Variants in ATAD2B observed in about 807,000 individuals in gnomAD.
ATAD2B encodes ATPase family AAA domain containing 2B, also known as ATPase family AAA domain-containing protein 2B.
In ATAD2B, 40 loss-of-function variants were observed where a neutral mutation model predicts 167.6. The ratio of observed to expected loss-of-function variants is 0.24; its 90% CI spans 0.19 to 0.31. The LOEUF is 0.31. Among genes scored for constraint, ATAD2B ranks in the 10% least tolerant of loss-of-function variants. The pLI is 1.00. For missense variants in ATAD2B, 1,242 were observed against 1,757.2 expected, an observed-to-expected ratio of 0.71 and a Z score of 5.24; for synonymous variants, 579 against 596.5, an observed-to-expected ratio of 0.97 and a Z score of 0.43.
intron 13 of ATAD2B, among the ~76,000 whole-genome samples, chr2:23,836,251 G>A (rs1046456542): frequency 1.3e-5 from 2 of 152,170 alleles, no homozygotes; most frequent in Non-Finnish European, 2.9e-5. Context: ...GTTGGCACAG[G>A]TGCTGGCTCT....
rs371821525 is a variant in ATAD2B, at chr2:23,828,946, T to C, written c.1729-7A>G. The C allele has an allele frequency of 4.3e-5, 68 of 1,566,892 alleles. No individual in the cohort carries two copies. In the African/African-American group the frequency reaches 8.7e-4, roughly 20 times the overall value. ...GTAAGATGTGTTTTCTTGCCTAAGA[T>C]GAAAAGCACAGATACATAAAATCTT... is the stretch of plus-strand genomic sequence containing the variant. On this transcript the variant is annotated splice_region_variant and splice_polypyrimidine_tract_variant and intron_variant, in intron 14 of 27. Transcript: ENST00000238789.
intron 23 of ATAD2B, among the ~76,000 whole-genome samples, chr2:23,765,265 A>G (rs1677251766): frequency 6.6e-6 from 1 of 152,244 alleles, no homozygotes; most frequent in Non-Finnish European, 1.5e-5. Context: ...CCTACAAAAC[A>G]AATTTCAATA....
At chr2:23,911,114 G>A (rs577927713) in intron 1 of ATAD2B, among the ~76,000 whole-genome samples, 2 of 151,444 alleles carry the variant, frequency 1.3e-5, no homozygotes, top group African/African-American at 2.4e-5. Flanking sequence ...CCAGCTACTC[G>A]GGAGGCTGAG....
chr2:23,708,183 T>C, the ATAD2B span: 2 of 152,272 alleles, frequency 1.3e-5, no homozygotes, highest in African/African-American at 4.8e-5. Flanking sequence ...CATCAACTTC[T>C]AGCACTACGA....
At chr2:23,758,205 T>C (rs1676177597) in intron 24 of ATAD2B, 104 bp from the exon 25 acceptor site, 1 of 931,878 alleles carries the variant, frequency 1.1e-6, no homozygotes. Flanking sequence ...CCCATGCTGA[T>C]GTAACACACA....
At chr2:23,768,960 A>C (rs149069748) in intron 22 of ATAD2B, among the ~76,000 whole-genome samples, 1,659 of 152,332 alleles carry the variant, frequency 0.011, 17 homozygotes, top group Middle Eastern at 0.037. Flanking sequence ...AAACAAAGTC[A>C]CTATAAACAT....
intron 18 of ATAD2B, among the ~76,000 whole-genome samples, chr2:23,807,104 T>C (rs1407944216): frequency 1.3e-5 from 2 of 152,182 alleles, no homozygotes; most frequent in Non-Finnish European, 2.9e-5. Context: ...CCAGACTTTC[T>C]TGTTCCTATA....
chr2:23,835,166 G>A (rs2712048), intron 13 of ATAD2B, among the ~76,000 whole-genome samples: 150,757 of 152,342 alleles, frequency 0.99, 74,606 homozygotes, highest in East Asian at 1. Flanking sequence ...TCTGTTAAAC[G>A]TAAGAGTTGC....
chr2:23,852,680 A>T (rs1353354557), intron 13 of ATAD2B, among the ~76,000 whole-genome samples: 2 of 152,150 alleles, frequency 1.3e-5, no homozygotes, highest in African/African-American at 4.8e-5. Context: ...GCACTTCGGG[A>T]GGCCGAGGCA....
chr2:23,720,901 G>A, the ATAD2B span, among the ~76,000 whole-genome samples: 2 of 135,242 alleles, frequency 1.5e-5, no homozygotes, highest in African/African-American at 2.7e-5. Flanking sequence ...CTACCATCTT[G>A]AGACCAGAGC....
At chr2:23,692,788 C>T in the ATAD2B span, among the ~76,000 whole-genome samples, 492 of 152,142 alleles carry the variant, frequency 3.2e-3, 6 homozygotes, top group African/African-American at 0.011. Context: ...CAGAGCCTAG[C>T]GAGCCAGATT....
intron 2 of ATAD2B, among the ~76,000 whole-genome samples, chr2:23,892,494 C>CA (rs995621554): frequency 1.5e-5 from 2 of 136,246 alleles, no homozygotes; most frequent in South Asian, 2.3e-4. Flanking sequence ...TTTTTTAAGA[C>CA]AGAGTCTCAC....
chr2:23,871,402 A>G (rs1695957047), intron 8 of ATAD2B, among the ~76,000 whole-genome samples: 1 of 152,092 alleles, frequency 6.6e-6, no homozygotes, highest in South Asian at 2.1e-4. Context: ...ACCTCCTAAC[A>G]TACCAACTTT....
intron 19 of ATAD2B, among the ~76,000 whole-genome samples, chr2:23,796,676 T>C (rs1309867475): frequency 6.6e-6 from 1 of 152,206 alleles, no homozygotes; most frequent in Non-Finnish European, 1.5e-5. Flanking sequence ...ACTTGTAAAG[T>C]GGCTCCCAGG....
At chr2:23,856,563 G>C (rs1693446765) in intron 13 of ATAD2B, 1 of 204,818 alleles carries the variant, frequency 4.9e-6, no homozygotes, top group Admixed American at 6.2e-5. Flanking sequence ...TAAAATATTA[G>C]CATACATGAC....
chr2:23,902,456 A>C (rs1700958790), intron 1 of ATAD2B, among the ~76,000 whole-genome samples: 1 of 152,160 alleles, frequency 6.6e-6, no homozygotes, highest in South Asian at 2.1e-4. Context: ...TCTACCTACA[A>C]ACCTGATGCT....
chr2:23,719,754 G>T, the ATAD2B span, among the ~76,000 whole-genome samples: 1 of 152,146 alleles, frequency 6.6e-6, no homozygotes, highest in Non-Finnish European at 1.5e-5. Context: ...CAGGAGTCCT[G>T]TCCTTATCTT....
At chr2:23,710,368 A>G in the ATAD2B span, among the ~76,000 whole-genome samples, 1 of 152,250 alleles carries the variant, frequency 6.6e-6, no homozygotes, top group Admixed American at 6.5e-5. Flanking sequence ...ATTGTGAGGT[A>G]GTAACATCTT....
chr2:23,876,243 C>G (rs775844590), intron 7 of ATAD2B, among the ~76,000 whole-genome samples: 1 of 151,524 alleles, frequency 6.6e-6, no homozygotes, highest in Non-Finnish European at 1.5e-5. Context: ...CCGCCCACCT[C>G]GGCCTCCCAA....
Sources: allele counts gnomAD v4.1 joint callset (sites outside exome capture counted in the v4.1 genomes callset), GRCh38; gene constraint gnomAD v4.1.1; transcripts MANE v1.5; gene names NCBI Gene and HGNC (gene_info 2026-07-23, HGNC 2026-07-21).